Variants in BAIAP2 observed in about 807,000 individuals in gnomAD.
The protein encoded by BAIAP2 is BAR/IMD domain-containing adapter protein 2.
Under a neutral mutation model 63.0 loss-of-function variants are expected in BAIAP2, and 18 were observed. The observed-to-expected ratio is 0.29, with a 90% CI of 0.20 to 0.42. BAIAP2 has a LOEUF of 0.42. Among genes scored for constraint, BAIAP2 ranks in the 10% least tolerant of loss-of-function variants. The probability of loss-of-function intolerance (pLI) is 1.00; values close to 1 mark genes in which losing one functional copy is unlikely to be tolerated. For missense variants in BAIAP2, 610 were observed against 734.3 expected, an observed-to-expected ratio of 0.83 and a Z score of 1.96; for synonymous variants, 386 against 307.6, an observed-to-expected ratio of 1.25 and a Z score of -2.67.
At chr17:81,110,610 C>T (rs896430313) in intron 13 of BAIAP2, 1 of 1,242,020 alleles carries the variant, frequency 8.1e-7, no homozygotes, top group East Asian at 3.3e-5. Context: ...TCTCGGCACT[C>T]AGTCGCCTGC....
intron 6 of BAIAP2, among the ~76,000 whole-genome samples, chr17:81,096,827 A>C (rs2057699276): frequency 6.6e-6 from 1 of 152,226 alleles, no homozygotes; most frequent in Non-Finnish European, 1.5e-5. Flanking sequence ...CTGGAGAAGG[A>C]GCCTCAGAGG....
intron 3 of BAIAP2, among the ~76,000 whole-genome samples, chr17:81,062,479 C>T (rs2050735077): frequency 6.6e-6 from 1 of 152,202 alleles, no homozygotes. Context: ...CCCACAGCCT[C>T]AGCTGCACCC....
chr17:81,058,097 A>G, intron 3 of BAIAP2, 130 bp downstream of exon 3: 1 of 742,738 alleles, frequency 1.3e-6, no homozygotes, highest in South Asian at 2.0e-5. Context: ...AAATATTTTA[A>G]TGACAGTCAC....
chr17:81,049,566 C>A (rs369581016), intron 1 of BAIAP2, among the ~76,000 whole-genome samples: 1 of 152,222 alleles, frequency 6.6e-6, no homozygotes, highest in Admixed American at 6.5e-5. Flanking sequence ...CCAGCACTGT[C>A]AGGGCGTCTG....
chr17:81,066,915 TCAGGCCCTCACGG>T (rs2051575013), intron 3 of BAIAP2, among the ~76,000 whole-genome samples: 3 of 152,244 alleles, frequency 2.0e-5, no homozygotes, highest in Non-Finnish European at 4.4e-5. Context: ...ACACCTGCTT[TCAGGCCCTCACGG>T]CAGGGCCTTG....
chr17:81,037,565 G>C (rs1021204741), intron 1 of BAIAP2, among the ~76,000 whole-genome samples: 2 of 152,364 alleles, frequency 1.3e-5, no homozygotes, highest in South Asian at 2.1e-4. Flanking sequence ...TGAGGCCACC[G>C]GTGTGCACTC....
At position 81,115,935 on chromosome 17, in the gene BAIAP2, T is replaced by A. The variant is rs1324920401; in HGVS notation, c.*96T>A. The stretch of plus-strand genomic sequence containing the variant: ...TCTGTGCGTTCCTGTGTAGAGAACA[T>A]CCAGGCCCCGGCTGCCTGGTCTTGC... On this transcript the variant is annotated 3_prime_UTR_variant, in exon 14 of 14. Coordinates refer to ENST00000428708, the MANE Select transcript of BAIAP2 (RefSeq NM_001144888.2). 3 of 1,561,558 alleles carry A rather than the reference T, an allele frequency of 1.9e-6. No individual in the cohort carries two copies. The East Asian group carries it at 6.9e-5, about 36-fold the overall frequency.
At chr17:81,038,080 G>T (rs977646445) in intron 1 of BAIAP2, among the ~76,000 whole-genome samples, 2 of 152,238 alleles carry the variant, frequency 1.3e-5, no homozygotes, top group African/African-American at 4.8e-5. Flanking sequence ...CAGGTGTTGG[G>T]AGGGCAAGGC....
intron 1 of BAIAP2, among the ~76,000 whole-genome samples, chr17:81,041,705 G>A (rs1275788326): frequency 6.6e-6 from 1 of 152,110 alleles, no homozygotes; most frequent in Admixed American, 6.6e-5. Flanking sequence ...CTCCCAAGTA[G>A]CTGGGATTAC....
intron 6 of BAIAP2, among the ~76,000 whole-genome samples, chr17:81,090,991 G>A (rs940924595): frequency 1.3e-5 from 2 of 152,134 alleles, no homozygotes; most frequent in African/African-American, 2.4e-5. Flanking sequence ...TGGGGAACTG[G>A]GCTGGCTGGC....
intron 3 of BAIAP2, among the ~76,000 whole-genome samples, chr17:81,065,399 G>A (rs1398568107): frequency 6.6e-6 from 1 of 152,212 alleles, no homozygotes; most frequent in Non-Finnish European, 1.5e-5. Context: ...TCTGTTTTGG[G>A]CACCTCCCTG....
chr17:81,110,993 C>A, intron 13 of BAIAP2: 1 of 1,612,746 alleles, frequency 6.2e-7, no homozygotes, highest in Non-Finnish European at 8.5e-7. Flanking sequence ...CAGTCACTGG[C>A]CTCTCCAGTG....
chr17:81,106,244 C>T lies in BAIAP2; in HGVS notation c.1337+98C>T, dbSNP rs76185111. On this transcript the variant is annotated intron_variant, in intron 11 of 13. Transcript: ENST00000428708. The stretch of plus-strand genomic sequence containing the variant: ...GGCTTGGATTGCTCGGCTGGGCTTC[C>T]GGCTCCTTGTCTGCTACCGCAGGGC... The T allele has an allele frequency of 9.4e-3, 12,131 of 1,295,990 alleles. 842 individuals carry two copies. The African/African-American group carries it at 0.15, about 16-fold the overall frequency. 80.3% of individuals were successfully genotyped at this position (1,295,990 alleles called of 1,614,324 possible).
chr17:81,112,613 CGAA>C (rs2060048877), intron 13 of BAIAP2, among the ~76,000 whole-genome samples: 2 of 152,358 alleles, frequency 1.3e-5, no homozygotes, highest in African/African-American at 2.4e-5. Context: ...TCTGAAGACA[CGAA>C]GAAACAGCTG....
At chr17:81,113,180 G>A (rs994366216) in intron 13 of BAIAP2, among the ~76,000 whole-genome samples, 10 of 152,232 alleles carry the variant, frequency 6.6e-5, no homozygotes, top group Admixed American at 1.3e-4. Context: ...TGAGGCCAGC[G>A]CCCTGCCCGC....
At chr17:81,059,548 G>A (rs1376394792) in intron 3 of BAIAP2, among the ~76,000 whole-genome samples, 1 of 152,224 alleles carries the variant, frequency 6.6e-6, no homozygotes, top group African/African-American at 2.4e-5. Context: ...GGGCTCAAGT[G>A]ATCCTCCTGC....
chr17:81,103,871 C>G, intron 8 of BAIAP2, 36 bp from the exon 9 acceptor site: 1 of 1,609,446 alleles, frequency 6.2e-7, no homozygotes, highest in South Asian at 1.1e-5. Context: ...CCGGGGTGGG[C>G]TCCAGCAACA....
intron 12 of BAIAP2, 195 bp downstream of exon 12, chr17:81,107,102 G>T (rs995793678): frequency 4.6e-6 from 3 of 652,688 alleles, no homozygotes; most frequent in Non-Finnish European, 7.3e-6. Context: ...CCGCCTCGCC[G>T]CAGCAGGCTC....
At position 81,086,575 on chromosome 17, in the gene BAIAP2, C is replaced by CT; in HGVS notation, c.485dup (p.Gln163AlafsTer153). On this transcript the variant is annotated frameshift_variant, in exon 6 of 14. Coordinates refer to ENST00000428708, the MANE Select transcript of BAIAP2 (RefSeq NM_001144888.2). LOFTEE classifies it high-confidence loss of function. ...TCCTCAGAAGTACTCGGACAAGGAGCTGCAGGTAGGCCCGCCACCCCCGCT... is the reference window on the plus strand; with the variant it reads ...TCCTCAGAAGTACTCGGACAAGGAGCTTGCAGGTAGGCCCGCCACCCCCGCT... The CT allele has an allele frequency of 6.2e-7, 1 of 1,613,106 alleles. No individual in the cohort carries two copies. Among genetic ancestry groups the CT allele is most frequent in the Non-Finnish European group, 8.5e-7 (1 of 1,179,978 alleles).
Sources: gnomAD v4.1 joint callset for allele counts (sites outside exome capture counted in the v4.1 genomes callset) on GRCh38, gnomAD v4.1.1 for gene constraint, MANE v1.5 for transcripts, NCBI Gene and HGNC (gene_info 2026-07-23, HGNC 2026-07-21) for gene names.